Variants in GABRA4 observed in about 807,000 individuals in gnomAD.
The protein encoded by GABRA4 is gamma-aminobutyric acid type A receptor subunit alpha4.
A neutral mutation model predicts 49.7 loss-of-function variants in GABRA4; 12 were observed. The ratio of observed to expected loss-of-function variants is 0.24; its 90% CI spans 0.15 to 0.39. GABRA4 has a LOEUF of 0.39. Among genes scored for constraint, GABRA4 ranks in the 10% least tolerant of loss-of-function variants. The probability of loss-of-function intolerance (pLI) is 1.00; values close to 1 mark genes in which losing one functional copy is unlikely to be tolerated. For synonymous variants in GABRA4, 288 were observed against 240.2 expected (o/e 1.20, Z -1.84); for missense variants, 506 against 686.0 (o/e 0.74, Z 2.93).
In GABRA4 at chr4:46,928,427, G is replaced by A. The variant is rs1254871406; in HGVS notation, c.1463C>T (p.Thr488Ile). ...VFGSRLQRIK[T>I]TVNTIGATGK... ...AGTAGCCCCTATGGTATTAACTGTG[G>A]TCTTTATCCTCTGCAGTCTTGATCC... is the stretch of plus-strand genomic sequence containing the variant. Residue 488 changes from threonine (T) to isoleucine (I), a missense_variant, in exon 9 of 9, where the codon ACC becomes ATC. Physicochemically the swap from Thr to Ile is moderately conservative, Grantham distance 89. Around this residue, in one of 5 missense-constraint regions of GABRA4, gnomAD observed 243 missense variants for 210.8 expected, o/e 1.15. Coordinates refer to ENST00000264318, the MANE Select transcript of GABRA4 (RefSeq NM_000809.4). 1 of 1,613,544 alleles carries A rather than the reference G, an allele frequency of 6.2e-7. No individual in the cohort carries two copies. Among genetic ancestry groups the A allele is most frequent in the Admixed American group, 1.7e-5 (1 of 59,922 alleles).
chr4:46,936,996 G>A (rs1322734204), intron 8 of GABRA4, among the ~76,000 whole-genome samples: 3 of 152,178 alleles, frequency 2.0e-5, no homozygotes, highest in Admixed American at 6.5e-5. Flanking sequence ...GGACTGGAAT[G>A]TGTTTTCCCA....
intron 8 of GABRA4, among the ~76,000 whole-genome samples, chr4:46,944,081 T>C (rs1279428152): frequency 6.6e-6 from 1 of 152,074 alleles, no homozygotes; most frequent in Non-Finnish European, 1.5e-5. Context: ...CTACGGTTAA[T>C]CATACTGTAT....
intron 8 of GABRA4, among the ~76,000 whole-genome samples, chr4:46,947,340 T>A (rs1489597867): frequency 6.6e-6 from 1 of 152,074 alleles, no homozygotes; most frequent in Non-Finnish European, 1.5e-5. Flanking sequence ...TTATGCCGAT[T>A]TTGGAACCAG....
intron 8 of GABRA4, among the ~76,000 whole-genome samples, chr4:46,943,571 C>G (rs1043638428): frequency 6.6e-6 from 1 of 152,076 alleles, no homozygotes; most frequent in Non-Finnish European, 1.5e-5. Context: ...TATGGCATAG[C>G]ATTCTACATG....
chr4:46,955,243 C>T (rs1407534345), intron 8 of GABRA4, among the ~76,000 whole-genome samples: 1 of 152,054 alleles, frequency 6.6e-6, no homozygotes, highest in Non-Finnish European at 1.5e-5. Flanking sequence ...TGTTGCCTTA[C>T]TCCCTCCTTG....
intron 8 of GABRA4, among the ~76,000 whole-genome samples, chr4:46,947,673 C>T (rs1722028259): frequency 6.6e-6 from 1 of 151,938 alleles, no homozygotes; most frequent in Admixed American, 6.6e-5. Context: ...GATGAACAAA[C>T]AGAATAAGAA....
At chr4:46,942,371 T>C (rs1053484683) in intron 8 of GABRA4, among the ~76,000 whole-genome samples, 2 of 152,076 alleles carry the variant, frequency 1.3e-5, no homozygotes, top group African/African-American at 4.8e-5. Flanking sequence ...CATCTTTCCT[T>C]TGAAATTATT....
At chr4:46,954,048 G>A (rs1553903899) in intron 8 of GABRA4, among the ~76,000 whole-genome samples, 2 of 152,180 alleles carry the variant, frequency 1.3e-5, no homozygotes, top group East Asian at 1.9e-4. Flanking sequence ...TGCTGTGAAG[G>A]CTATATGAAT....
At position 46,926,602 on chromosome 4, in the gene GABRA4, T is replaced by G. The variant is rs1467084782; in HGVS notation, c.*1623A>C. ...TAAAAACAAAAAGAGAGAGAGAGAT[T>G]TTGTCTGCAAGGTGGTCATTTCTAT... On this transcript the variant is annotated 3_prime_UTR_variant, in exon 9 of 9. Coordinates refer to ENST00000264318, the MANE Select transcript of GABRA4 (RefSeq NM_000809.4). The G allele has an allele frequency of 1.3e-5, 2 of 151,858 alleles. No individual in the cohort carries two copies. Among genetic ancestry groups the G allele is most frequent in the East Asian group, 3.9e-4 (2 of 5,182 alleles). The allele number at this position is 151,858 out of a possible 1,614,324, so 9.4% of individuals were successfully genotyped here.
intron 8 of GABRA4, among the ~76,000 whole-genome samples, chr4:46,939,355 G>A (rs1260483460): frequency 1.3e-5 from 2 of 151,846 alleles, no homozygotes; most frequent in African/African-American, 2.4e-5. Flanking sequence ...TTTCTACAAT[G>A]TATTGAGCCC....
chr4:46,993,144 C>T (rs912256514), intron 1 of GABRA4, among the ~76,000 whole-genome samples, 195 bp downstream of exon 1: 4 of 152,188 alleles, frequency 2.6e-5, no homozygotes, highest in African/African-American at 7.2e-5. Context: ...AGTGCCCACA[C>T]GCCTCTTGGA....
rs537760198 is a variant in GABRA4 at position 46,926,999 on chromosome 4, C to A, written c.*1226G>T. 6.6e-6 allele frequency: 1 copy of A among 152,002 alleles called. No homozygotes were observed. The highest frequency in any genetic ancestry group is 2.4e-5 in the African/African-American group (1 of 41,526). The allele number at this position is 152,002 out of a possible 1,614,324, so 9.4% of individuals were successfully genotyped here. ...ATTACAGAACTACGGACACAAAACT[C>A]TTCAAAATTTAGCATTTCACTAGCT... On this transcript the variant is annotated 3_prime_UTR_variant, in exon 9 of 9. Transcript: ENST00000264318.
chr4:46,984,877 G>T (rs923166628), intron 2 of GABRA4, among the ~76,000 whole-genome samples: 2 of 151,842 alleles, frequency 1.3e-5, no homozygotes, highest in African/African-American at 4.8e-5. Context: ...AAAATAGTTT[G>T]GCATTATCTT....
chr4:46,951,795 CGTGT>C (rs4032300), intron 8 of GABRA4, among the ~76,000 whole-genome samples: 16,102 of 148,994 alleles, frequency 0.11, 1,009 homozygotes, highest in South Asian at 0.23. Context: ...TATGTGTGTA[CGTGT>C]GTGTGTGTGT....
chr4:46,969,663 T>G (rs1184009676), intron 7 of GABRA4, among the ~76,000 whole-genome samples: 4 of 151,510 alleles, frequency 2.6e-5, no homozygotes, highest in South Asian at 4.1e-4. Context: ...TACCCTATAT[T>G]GAGAACGATA....
chr4:46,987,140 G>A (rs990034111), intron 2 of GABRA4, among the ~76,000 whole-genome samples: 1 of 152,076 alleles, frequency 6.6e-6, no homozygotes, highest in Admixed American at 6.6e-5. Flanking sequence ...TAATCAGCCT[G>A]CAAAGCTGTA....
At chr4:46,963,328 T>A (rs1316562221) in intron 8 of GABRA4, among the ~76,000 whole-genome samples, 2 of 151,780 alleles carry the variant, frequency 1.3e-5, no homozygotes, top group Non-Finnish European at 2.9e-5. Context: ...CAGCCAAATC[T>A]CAACTTGAAT....
At chr4:46,992,535 C>T in intron 2 of GABRA4, 1 of 426,488 alleles carries the variant, frequency 2.3e-6, no homozygotes, top group East Asian at 4.0e-5. Context: ...GCAGCTGAGC[C>T]CAGAGTTCCC....
chr4:46,942,626 G>GA (rs752581585), intron 8 of GABRA4, among the ~76,000 whole-genome samples: 8,005 of 110,530 alleles, frequency 0.072, 382 homozygotes, highest in African/African-American at 0.15. Flanking sequence ...CTCTGTCTCA[G>GA]AAAAAAAAAA....
Sources: allele counts gnomAD v4.1 joint callset (sites outside exome capture counted in the v4.1 genomes callset), GRCh38; gene constraint gnomAD v4.1.1; regional missense constraint gnomAD v4.1.1; transcripts MANE v1.5; gene names NCBI Gene and HGNC (gene_info 2026-07-23, HGNC 2026-07-21).